The following MCTP1 variants were observed in gnomAD, a reference collection of about 807,000 sequenced individuals.
The protein encoded by MCTP1 is multiple C2 and transmembrane domain-containing protein 1.
Under a neutral mutation model 120.6 loss-of-function variants are expected in MCTP1, and 69 were observed. The observed-to-expected ratio is 0.57, with a 90% confidence interval of 0.47 to 0.70. The LOEUF is 0.70. Ranked by LOEUF, MCTP1 falls within the 30% of genes least tolerant of loss-of-function variation. The pLI, the probability that MCTP1 is intolerant of heterozygous loss-of-function variation, is 0.00. For missense variants in MCTP1, 1,203 were observed against 1,248.8 expected, an observed-to-expected ratio of 0.96 and a Z score of 0.55; for synonymous variants, 529 against 493.1, an observed-to-expected ratio of 1.07 and a Z score of -0.96.
At chr5:94,898,565 A>C (rs1216235874) in intron 10 of MCTP1, among the ~76,000 whole-genome samples, 2 of 152,198 alleles carry the variant, frequency 1.3e-5, no homozygotes, top group Non-Finnish European at 2.9e-5. Context: ...TATTTGGCTC[A>C]CCTGTACTGT....
At chr5:95,009,395 C>G (rs1028293581) in intron 2 of MCTP1, among the ~76,000 whole-genome samples, 1 of 151,808 alleles carries the variant, frequency 6.6e-6, no homozygotes, top group Admixed American at 6.6e-5. Context: ...GATGTCTCTG[C>G]CAAAAGGTAT....
intron 1 of MCTP1, among the ~76,000 whole-genome samples, chr5:95,068,427 G>A (rs1356283749): frequency 6.6e-6 from 1 of 152,134 alleles, no homozygotes; most frequent in Admixed American, 6.5e-5. Flanking sequence ...TTTTTAAAAA[G>A]GAAATGAAAA....
chr5:94,930,336 TG>T (rs2153477877), intron 6 of MCTP1, among the ~76,000 whole-genome samples: 1 of 142,226 alleles, frequency 7.0e-6, no homozygotes, highest in South Asian at 2.3e-4. Flanking sequence ...TGAAATGGCA[TG>T]ATCTCTGCTC....
intron 10 of MCTP1, among the ~76,000 whole-genome samples, chr5:94,904,418 G>T (rs1465203239): frequency 6.6e-6 from 1 of 152,100 alleles, no homozygotes; most frequent in Non-Finnish European, 1.5e-5. Context: ...GGGCCCTGCA[G>T]GTTGTAAAGC....
intron 12 of MCTP1, among the ~76,000 whole-genome samples, chr5:94,874,367 C>T (rs1798364412): frequency 6.6e-6 from 1 of 151,996 alleles, no homozygotes. Flanking sequence ...GCTATGTATT[C>T]CCATACAGCA....
chr5:94,882,497 A>T (rs1403397047), intron 12 of MCTP1, among the ~76,000 whole-genome samples: 2 of 151,926 alleles, frequency 1.3e-5, no homozygotes, highest in Admixed American at 6.6e-5. Context: ...TGTTCTAGAA[A>T]ATACATCACT....
At chr5:94,867,375 T>A (rs1468714073) in intron 17 of MCTP1, 1 of 1,524,252 alleles carries the variant, frequency 6.6e-7, no homozygotes, top group East Asian at 2.5e-5. Context: ...GAAAGTCCCA[T>A]ACAAGGCCTG....
chr5:94,819,163 C>A (rs1241611340), intron 17 of MCTP1, among the ~76,000 whole-genome samples: 1 of 149,288 alleles, frequency 6.7e-6, no homozygotes, highest in Admixed American at 6.7e-5. Flanking sequence ...GAGTCTCACT[C>A]TGTCACCCAG....
At chr5:94,814,355 C>G (rs1318440535) in intron 17 of MCTP1, among the ~76,000 whole-genome samples, 1 of 152,164 alleles carries the variant, frequency 6.6e-6, no homozygotes, top group African/African-American at 2.4e-5. Context: ...ATCTTGCCAA[C>G]ACTTCCAAAA....
intron 1 of MCTP1, among the ~76,000 whole-genome samples, chr5:95,149,362 G>A: frequency 6.6e-6 from 1 of 152,160 alleles, no homozygotes; most frequent in South Asian, 2.1e-4. Flanking sequence ...ACCATCCAAG[G>A]TGGCGAGTCT....
intron 1 of MCTP1, among the ~76,000 whole-genome samples, chr5:95,170,011 T>A (rs149156508): frequency 0.019 from 2,914 of 152,306 alleles, 86 homozygotes; most frequent in African/African-American, 0.066. Flanking sequence ...TTAGGGTGTC[T>A]ATTTTAGATC....
At chr5:94,812,206 C>T (rs1283623546) in intron 17 of MCTP1, among the ~76,000 whole-genome samples, 4 of 152,128 alleles carry the variant, frequency 2.6e-5, no homozygotes, top group African/African-American at 9.7e-5. Context: ...TGTGATGTCA[C>T]ACTCTCACAT....
chr5:95,117,580 T>G (rs1471447392), intron 1 of MCTP1, among the ~76,000 whole-genome samples: 8 of 152,008 alleles, frequency 5.3e-5, no homozygotes, highest in Admixed American at 2.6e-4. Context: ...GTAAATTAGT[T>G]CAACCATTGT....
At chr5:94,819,118 T>TTCATTC (rs1554106078) in intron 17 of MCTP1, among the ~76,000 whole-genome samples, 4,316 of 140,530 alleles carry the variant, frequency 0.031, 125 homozygotes, top group African/African-American at 0.07. Flanking sequence ...TTTATTTATT[T>TTCATTC]ATTCATTCAT....
At chr5:94,900,884 A>C (rs940983859) in intron 10 of MCTP1, among the ~76,000 whole-genome samples, 2 of 152,246 alleles carry the variant, frequency 1.3e-5, no homozygotes, top group Admixed American at 1.3e-4. Context: ...GGAATCATGG[A>C]TGAAAAAGTA....
rs1218304799 is a variant in MCTP1 at position 94,826,190 on chromosome 5, G to C, written c.2437-27058C>G. On this transcript the variant is annotated intron_variant, in intron 17 of 22. Coordinates refer to ENST00000515393, the MANE Select transcript of MCTP1 (RefSeq NM_024717.7). ...AGATCGAGCAATCAAAGCATTATCT[G>C]TCCAAGCAATTTGCTTCTTATTGAT... The C allele has an allele frequency of 5.2e-5, 21 of 405,076 alleles. No individual in the cohort carries two copies. In the East Asian group the frequency reaches 1.1e-3, roughly 22 times the overall value. The allele number at this position is 405,076 out of a possible 1,614,324, so 25.1% of individuals were successfully genotyped here. A position where few individuals can be genotyped will look rare whatever the true frequency, so the allele number is the denominator to read the frequency against.
At chr5:94,859,995 T>C (rs1378104772) in intron 17 of MCTP1, among the ~76,000 whole-genome samples, 1 of 151,704 alleles carries the variant, frequency 6.6e-6, no homozygotes, top group Non-Finnish European at 1.5e-5. Context: ...GATTTAACTA[T>C]GGAAAATGCA....
chr5:95,077,366 T>A (rs928427900), intron 1 of MCTP1, among the ~76,000 whole-genome samples: 2 of 152,208 alleles, frequency 1.3e-5, no homozygotes, highest in Non-Finnish European at 2.9e-5. Context: ...CACCTCTATC[T>A]GTCTCTTTTT....
Position 94,810,465 on chromosome 5 carries a change from A to G in MCTP1, c.2437-11333T>C, listed in dbSNP as rs1272582604. 1.3e-5 allele frequency among the ~76,000 whole-genome samples: 2 copies of G among 152,162 alleles called. 1 individual carries two copies. The highest frequency in any genetic ancestry group is 4.1e-4 in the South Asian group (2 of 4,820). ...GCAACAGCTGGCACTTCAGTTGCTC[A>G]TGGGGGGAAACTCCCTCTGTTCTCT... On this transcript the variant is annotated intron_variant, in intron 17 of 22. Transcript: ENST00000515393.
Sources: allele counts gnomAD v4.1 joint callset (sites outside exome capture counted in the v4.1 genomes callset), GRCh38; gene constraint gnomAD v4.1.1; transcripts MANE v1.5; gene names NCBI Gene and HGNC (gene_info 2026-07-23, HGNC 2026-07-21).